The following PPP1R17 variants were observed in gnomAD, a reference collection of about 807,000 sequenced individuals.
PPP1R17 encodes protein phosphatase 1 regulatory subunit 17, also known as G-substrate.
A neutral mutation model predicts 15.9 loss-of-function variants in PPP1R17; 12 were observed. The ratio of observed to expected loss-of-function variants is 0.75; its 90% confidence interval spans 0.48 to 1.22. PPP1R17 has a LOEUF of 1.22. Among genes scored for constraint, PPP1R17 ranks in the 50% most tolerant of loss-of-function variants. The pLI, the probability that PPP1R17 is intolerant of heterozygous loss-of-function variation, is 0.00. For synonymous variants in PPP1R17, 63 were observed against 64.5 expected, an observed-to-expected ratio of 0.98 and a Z score of 0.11; for missense variants, 211 against 187.3, an observed-to-expected ratio of 1.13 and a Z score of -0.74.
chr7:31,703,514 T>C (rs1792941344), intron 4 of PPP1R17, among the ~76,000 whole-genome samples: 1 of 152,374 alleles, frequency 6.6e-6, no homozygotes, highest in East Asian at 1.9e-4. Context: ...AGCAAATCTC[T>C]ATATCATAAG....
chr7:31,691,937 C>T (rs913482014), intron 1 of PPP1R17, among the ~76,000 whole-genome samples: 1 of 151,888 alleles, frequency 6.6e-6, no homozygotes, highest in African/African-American at 2.4e-5. Flanking sequence ...CTGTATATAG[C>T]CTTGGCTATT....
chr7:31,696,843 A>T, intron 3 of PPP1R17, 122 bp from the exon 4 acceptor site: 1 of 1,124,952 alleles, frequency 8.9e-7, no homozygotes, highest in Non-Finnish European at 1.2e-6. Flanking sequence ...TTGCTTTATT[A>T]AAGTAAGTTT....
chr7:31,692,164 AC>A (rs1177933693), intron 1 of PPP1R17, among the ~76,000 whole-genome samples: 3 of 152,166 alleles, frequency 2.0e-5, no homozygotes, highest in Admixed American at 2.0e-4. Flanking sequence ...CAAATATTGG[AC>A]ATTTGATACA....
intron 4 of PPP1R17, among the ~76,000 whole-genome samples, chr7:31,699,041 GC>G (rs1311195050): frequency 6.6e-6 from 1 of 152,158 alleles, no homozygotes; most frequent in Non-Finnish European, 1.5e-5. Flanking sequence ...AAAAGTCCTT[GC>G]TCTCATGGTG....
At chr7:31,702,366 A>G (rs537280064) in intron 4 of PPP1R17, among the ~76,000 whole-genome samples, 54 of 152,242 alleles carry the variant, frequency 3.5e-4, no homozygotes, top group Non-Finnish European at 6.9e-4. Context: ...TGGTCCAAGG[A>G]CCGGGGGAGG....
At chr7:31,695,439 C>A (rs750962464) in intron 2 of PPP1R17, 30 bp from the exon 3 acceptor site, 2 of 1,573,678 alleles carry the variant, frequency 1.3e-6, no homozygotes, top group African/African-American at 2.7e-5. Flanking sequence ...ATGTTATATT[C>A]TTTATTTCTT....
rs1251828238 is a variant in PPP1R17, at chr7:31,692,350, TTGAA to T, written c.-36-46_-36-43del. 78 of 1,025,286 alleles carry T rather than the reference TTGAA, an allele frequency of 7.6e-5. 2 individuals are homozygous for T. The Admixed American group carries it at 1.5e-3, about 19-fold the overall frequency. 63.5% of individuals were successfully genotyped at this position (1,025,286 alleles called of 1,614,324 possible). A position where few individuals can be genotyped will look rare whatever the true frequency, so the allele number is the denominator to read the frequency against. On this transcript the variant is annotated intron_variant, in intron 1 of 4. Coordinates refer to ENST00000342032, the MANE Select transcript of PPP1R17 (RefSeq NM_006658.5). ...ACAAATATATTTACTTAGCAAATGA[TTGAA>T]TGAATGAATAAACAGAGCCATACTT... is the stretch of plus-strand genomic sequence containing the variant.
In PPP1R17 at chr7:31,707,287, T is replaced by C. The variant is rs200063836; in HGVS notation, c.*4T>C. The C allele has an allele frequency of 1.1e-5, 17 of 1,612,250 alleles. No individual in the cohort carries two copies. The highest frequency in any genetic ancestry group is 1.0e-4 in the Admixed American group (6 of 59,938). On this transcript the variant is annotated 3_prime_UTR_variant, in exon 5 of 5. Transcript: ENST00000342032. ...TGGTGACAAGATAGCTATTTAAAGATAGTTCCCCTGAGACCACTTGTAAAT... is the reference window on the plus strand; with the variant it reads ...TGGTGACAAGATAGCTATTTAAAGACAGTTCCCCTGAGACCACTTGTAAAT...
intron 1 of PPP1R17, among the ~76,000 whole-genome samples, chr7:31,688,128 C>A (rs565783728): frequency 6.6e-6 from 1 of 152,138 alleles, no homozygotes; most frequent in East Asian, 1.9e-4. Context: ...CTCACACTCA[C>A]GAAAATATCA....
intron 1 of PPP1R17, among the ~76,000 whole-genome samples, chr7:31,690,234 C>A (rs539840349): frequency 6.6e-6 from 1 of 152,358 alleles, no homozygotes; most frequent in South Asian, 2.1e-4. Flanking sequence ...AGCCAAAAAT[C>A]TAGCGTGGTA....
At chr7:31,698,532 A>G (rs1277636992) in intron 4 of PPP1R17, among the ~76,000 whole-genome samples, 6 of 152,194 alleles carry the variant, frequency 3.9e-5, no homozygotes, top group Non-Finnish European at 8.8e-5. Flanking sequence ...ACTACATGCA[A>G]GCTTCTGAGA....
intron 4 of PPP1R17, among the ~76,000 whole-genome samples, chr7:31,702,204 TTTA>T (rs946850053): frequency 8.1e-6 from 1 of 123,608 alleles, no homozygotes; most frequent in Non-Finnish European, 1.7e-5. Context: ...TTCACCCTTA[TTTA>T]TTTTTTTTTT....
intron 4 of PPP1R17, 127 bp downstream of exon 4, chr7:31,697,244 G>A: frequency 8.4e-7 from 1 of 1,189,680 alleles, no homozygotes; most frequent in Non-Finnish European, 1.2e-6. Context: ...GAAGTGCTCT[G>A]GGGAGAAGCC....
At chr7:31,702,161 G>A (rs927972516) in intron 4 of PPP1R17, among the ~76,000 whole-genome samples, 1 of 151,232 alleles carries the variant, frequency 6.6e-6, no homozygotes, top group African/African-American at 2.4e-5. Context: ...GGGAAATTCT[G>A]CCTTAGAATT....
At chr7:31,693,169 G>A (rs1792430640) in intron 2 of PPP1R17, among the ~76,000 whole-genome samples, 2 of 152,052 alleles carry the variant, frequency 1.3e-5, no homozygotes, top group South Asian at 4.1e-4. Context: ...TTGCCATCAA[G>A]ATATTTTATG....
At chr7:31,694,966 G>A (rs556382977) in intron 2 of PPP1R17, among the ~76,000 whole-genome samples, 1 of 152,134 alleles carries the variant, frequency 6.6e-6, no homozygotes, top group Admixed American at 6.5e-5. Context: ...AAAACCCAAG[G>A]TCTGGATCAC....
At chr7:31,698,102 G>A (rs958844610) in intron 4 of PPP1R17, among the ~76,000 whole-genome samples, 10 of 152,268 alleles carry the variant, frequency 6.6e-5, no homozygotes, top group African/African-American at 2.4e-4. Context: ...TCTGTGCTGT[G>A]GTTTGGAATC....
At chr7:31,698,430 G>T (rs1161667862) in intron 4 of PPP1R17, among the ~76,000 whole-genome samples, 2 of 152,096 alleles carry the variant, frequency 1.3e-5, no homozygotes, top group African/African-American at 2.4e-5. Flanking sequence ...TGAATGGTGG[G>T]TTTTTGACCC....
rs116213371 is a variant in PPP1R17 at position 31,708,055 on chromosome 7, G to A, written c.*772G>A. 1.7e-3 allele frequency: 262 copies of A among 152,310 alleles called. 1 individual carries two copies. Among genetic ancestry groups the A allele is most frequent in the African/African-American group, 6.1e-3 (252 of 41,572 alleles). 9.4% of individuals were successfully genotyped at this position (152,310 alleles called of 1,614,324 possible). A position where few individuals can be genotyped will look rare whatever the true frequency, so the allele number is the denominator to read the frequency against. The stretch of plus-strand genomic sequence containing the variant: ...AATGGTAGATAAAATATCAATGTTT[G>A]TGATGAATTTACTGTAAAAAAATTA... On this transcript the variant is annotated 3_prime_UTR_variant, in exon 5 of 5. Transcript: ENST00000342032.
Sources: gnomAD v4.1 joint callset for allele counts (sites outside exome capture counted in the v4.1 genomes callset) on GRCh38, gnomAD v4.1.1 for gene constraint, MANE v1.5 for transcripts, NCBI Gene and HGNC (gene_info 2026-07-23, HGNC 2026-07-21) for gene names.